The following MLH3 variants were observed in gnomAD, a reference collection of about 807,000 sequenced individuals.
MLH3 encodes mutL homolog 3.
In MLH3, 82 loss-of-function variants were observed where a neutral mutation model predicts 122.2. That is an observed-to-expected ratio of 0.67 (90% CI 0.56 to 0.81). The LOEUF (loss-of-function observed/expected upper bound fraction) is 0.81, where lower values mean the gene tolerates loss of function less well. Among genes scored for constraint, MLH3 ranks in the 30% least tolerant of loss-of-function variants. The probability of loss-of-function intolerance (pLI) is 0.00; values close to 1 mark genes in which losing one functional copy is unlikely to be tolerated. For synonymous variants in MLH3, 524 were observed against 599.5 expected (o/e 0.87, Z 1.84); for missense variants, 1,539 against 1,714.5 (o/e 0.90, Z 1.81).
In MLH3 at chr14:75,047,208, A is replaced by G. The variant is rs893714822; in HGVS notation, c.2448T>C (p.Ser816=). 3 of 1,614,016 alleles carry G rather than the reference A, an allele frequency of 1.9e-6. No individual in the cohort carries two copies. The African/African-American group carries it at 4.0e-5, about 22-fold the overall frequency. Residue 816 remains serine (S), a synonymous_variant, in exon 2 of 13, where the codon AGT becomes AGC. Coordinates refer to ENST00000355774, the MANE Select transcript of MLH3 (RefSeq NM_001040108.2). ...GGATGTGGCTTGCTGGTTGACAACT[A>G]CTATCTGAATCACTATGCTCCATAG... The part of the protein sequence containing the change: ...ITTMEHSDSD[S]SCQPASHILN...
intron 9 of MLH3, among the ~76,000 whole-genome samples, chr14:75,027,014 G>A (rs1284960402): frequency 4.6e-5 from 7 of 151,968 alleles, no homozygotes; most frequent in Non-Finnish European, 8.8e-5. Flanking sequence ...CAGGAGAATC[G>A]CTTGAACCTG....
chr14:75,046,896 A>G lies in MLH3; in HGVS notation c.2760T>C (p.Cys920=), dbSNP rs1255590960. 6.8e-6 allele frequency: 11 copies of G among 1,613,978 alleles called. No homozygotes were observed. The highest frequency in any genetic ancestry group is 9.3e-6 in the Non-Finnish European group (11 of 1,180,042). The change falls in exon 2 of 13, where the codon TGT becomes TGC. Residue 920 remains cysteine, a synonymous_variant. Coordinates refer to ENST00000355774, the MANE Select transcript of MLH3 (RefSeq NM_001040108.2). ...TTTCATGCTTGTTGTTAAATAACAT[A>G]CAAAAATCTTGTGTTAACACACTGC... ...KLCSVLTQDF[C]MLFNNKHEKT...
At position 75,049,092 on chromosome 14, in the gene MLH3, A is replaced by C. The variant is rs2139603362; in HGVS notation, c.564T>G (p.Ser188=). 1 of 1,614,096 alleles carries C rather than the reference A, an allele frequency of 6.2e-7. No individual in the cohort carries two copies. Among genetic ancestry groups the C allele is most frequent in the East Asian group, 2.2e-5 (1 of 44,886 alleles). Residue 188 remains serine, a synonymous_variant, in exon 2 of 13, where the codon TCT becomes TCG. Transcript: ENST00000355774. The stretch of plus-strand genomic sequence containing the variant: ...TGGAACCAGAAACATCATTTCTCAA[A>C]GAGAAAGAAATGGAAGGGTGCATGA... The part of the protein sequence containing the change: ...LSLMHPSISF[S]LRNDVSGSMV...
rs373434520 is a variant in MLH3 at position 75,020,211 on chromosome 14, T to C, written c.4091-1231A>G. 6.6e-5 allele frequency among the ~76,000 whole-genome samples: 10 copies of C among 152,310 alleles called. No homozygotes were observed. The East Asian group carries it at 1.4e-3, about 21-fold the overall frequency. The stretch of plus-strand genomic sequence containing the variant: ...ATGTAAAGAACAAGGTGGAGAGTGA[T>C]ATGACGTGACACTGGAGAGGCAGGC... On this transcript the variant is annotated intron_variant, in intron 11 of 12. Coordinates refer to ENST00000355774, the MANE Select transcript of MLH3 (RefSeq NM_001040108.2).
chr14:75,049,540 T>C lies in MLH3; in HGVS notation c.116A>G (p.Lys39Arg). Reference sequence around the variant, plus strand: ...CATATTCACCCTGACAGCCACACATTTTGCTTCAGCATCAATACTGTTGAG... The same window carrying C: ...CATATTCACCCTGACAGCCACACATCTTGCTTCAGCATCAATACTGTTGAG... ...LALNSIDAEA[K>R]CVAVRVNMET... Residue 39 changes from lysine to arginine, a missense_variant, in exon 2 of 13, where the codon AAA becomes AGA. Physicochemically the swap from Lys to Arg is conservative, Grantham distance 26 (BLOSUM62 2). Transcript: ENST00000355774. 1 of 1,614,172 alleles carries C rather than the reference T, an allele frequency of 6.2e-7. No individual in the cohort carries two copies.
At chr14:75,039,833 A>G in intron 5 of MLH3, 78 bp downstream of exon 5, 1 of 402,796 alleles carries the variant, frequency 2.5e-6, no homozygotes, top group Non-Finnish European at 4.0e-6. Context: ...ATCAAATTTT[A>G]GAAGAGTTAG....
rs919090772 is a variant in MLH3, at chr14:75,016,829, A to G, written c.*253T>C. ...TCATTAAATAAGTAGCAAAAGGTAG[A>G]TACTATATAGCAACCTTCTGTGCCC... On this transcript the variant is annotated 3_prime_UTR_variant, in exon 13 of 13. Coordinates refer to ENST00000355774, the MANE Select transcript of MLH3 (RefSeq NM_001040108.2). 15 of 474,502 alleles carry G rather than the reference A, an allele frequency of 3.2e-5. No individual in the cohort carries two copies. Among genetic ancestry groups the G allele is most frequent in the Non-Finnish European group, 4.7e-5 (12 of 256,732 alleles). 29.4% of individuals were successfully genotyped at this position (474,502 alleles called of 1,614,324 possible).
intron 9 of MLH3, among the ~76,000 whole-genome samples, chr14:75,025,100 A>T (rs1185198824): frequency 6.6e-6 from 1 of 152,176 alleles, no homozygotes; most frequent in African/African-American, 2.4e-5. Flanking sequence ...TGGCCTGCAA[A>T]CCTGCTTACG....
At chr14:75,040,591 T>A (rs189989830) in intron 4 of MLH3, among the ~76,000 whole-genome samples, 62 of 152,092 alleles carry the variant, frequency 4.1e-4, no homozygotes, top group African/African-American at 1.4e-3. Flanking sequence ...TTGTCTATGT[T>A]CCATGATCAA....
At chr14:75,040,449 C>CAAAAAAAAAAAAAAAAAAA (rs36233766) in intron 4 of MLH3, among the ~76,000 whole-genome samples, 4 of 35,592 alleles carry the variant, frequency 1.1e-4, no homozygotes, top group Non-Finnish European at 2.0e-4. Context: ...GACTCTGTCA[C>CAAAAAAAAAAAAAAAAAAA]AAAAAAAAAA....
At chr14:75,032,339 A>T (rs893944306) in intron 7 of MLH3, among the ~76,000 whole-genome samples, 160 bp from the exon 8 acceptor site, 4 of 152,252 alleles carry the variant, frequency 2.6e-5, no homozygotes, top group Non-Finnish European at 5.9e-5. Flanking sequence ...CAAACTAATA[A>T]ATATTCAGCC....
At chr14:75,021,361 C>T (rs61980784) in intron 11 of MLH3, among the ~76,000 whole-genome samples, 20 of 152,314 alleles carry the variant, frequency 1.3e-4, no homozygotes, top group East Asian at 3.9e-4. Flanking sequence ...ACAGAATAGA[C>T]GGACAACTTA....
chr14:75,046,297 T>C (rs1223576900), intron 2 of MLH3, 79 bp downstream of exon 2: 13 of 1,408,834 alleles, frequency 9.2e-6, no homozygotes, highest in African/African-American at 1.4e-5. Flanking sequence ...ATAATCTCTT[T>C]GGATAATGAG....
chr14:75,022,739 C>G, intron 11 of MLH3, 75 bp downstream of exon 11: 1 of 1,284,360 alleles, frequency 7.8e-7, no homozygotes. Flanking sequence ...CCCTCTGCCT[C>G]TTTTGTAATC....
At chr14:75,036,485 C>T in intron 6 of MLH3, 1 of 350,072 alleles carries the variant, frequency 2.9e-6, no homozygotes, top group Non-Finnish European at 5.7e-6. Flanking sequence ...GCTGGGATTA[C>T]AGGCATCTGC....
Position 75,018,152 on chromosome 14 carries a change from C to CAA in MLH3, c.4242+675_4242+676dup, listed in dbSNP as rs5809691. On this transcript the variant is annotated intron_variant, in intron 12 of 12. Transcript: ENST00000355774. ...AACAGCAAAACTCCGTCTCAAAAAA[C>CAA]AAAAAAAAAGGAAAGATTTTGGAAA... Among the ~76,000 whole-genome samples the CAA allele has an allele frequency of 7.3e-4, 110 of 150,388 alleles. No homozygotes were observed. In the East Asian group the frequency reaches 0.01, roughly 14 times the overall value.
Position 75,047,079 on chromosome 14 carries a change from A to T in MLH3, c.2577T>A (p.Phe859Leu). 1.2e-6 allele frequency: 2 copies of T among 1,614,154 alleles called. No individual in the cohort carries two copies. The highest frequency in any genetic ancestry group is 1.7e-6 in the Non-Finnish European group (2 of 1,179,974). Reference protein sequence around the residue: ...SPMTLKELSLFNRKPLDLEKS... With the variant: ...SPMTLKELSLLNRKPLDLEKS... ...TCTCAAGGTCCAAAGGTTTTCTATTAAAGAGAGATAACTCCTTCAGGGTCA... is the reference window on the plus strand; with the variant it reads ...TCTCAAGGTCCAAAGGTTTTCTATTTAAGAGAGATAACTCCTTCAGGGTCA... The change falls in exon 2 of 13, where the codon TTT (phenylalanine) becomes TTA (leucine). Residue 859 changes from phenylalanine to leucine, a missense_variant. Transcript: ENST00000355774.
At chr14:75,038,302 C>A in intron 6 of MLH3, 38 bp downstream of exon 6, 2 of 1,392,162 alleles carry the variant, frequency 1.4e-6, no homozygotes, top group Non-Finnish European at 1.0e-6. Flanking sequence ...TACAAGAAGA[C>A]CAGCTGGTTA....
At chr14:75,039,344 T>G (rs985920710) in intron 5 of MLH3, among the ~76,000 whole-genome samples, 1 of 152,110 alleles carries the variant, frequency 6.6e-6, no homozygotes, top group African/African-American at 2.4e-5. Flanking sequence ...TTACCCAAAT[T>G]TGTTAGCCTC....
Sources: allele counts gnomAD v4.1 joint callset (sites outside exome capture counted in the v4.1 genomes callset), GRCh38; gene constraint gnomAD v4.1.1; transcripts MANE v1.5; gene names NCBI Gene and HGNC (gene_info 2026-07-23, HGNC 2026-07-21).